Variants in OSBPL6 observed in about 807,000 individuals in gnomAD.
The protein encoded by OSBPL6 is oxysterol binding protein like 6.
In OSBPL6, 49 loss-of-function variants were observed where a neutral mutation model predicts 125.8. The observed-to-expected ratio is 0.39, with a 90% CI of 0.31 to 0.49. The LOEUF is 0.49. Ranked by LOEUF, OSBPL6 falls within the 20% of genes least tolerant of loss-of-function variation. The pLI is 0.88. For synonymous variants in OSBPL6, 394 were observed against 391.8 expected, an observed-to-expected ratio of 1.01 and a Z score of -0.07; for missense variants, 986 against 1,135.4, an observed-to-expected ratio of 0.87 and a Z score of 1.89.
At chr2:178,258,884 G>A (rs334010) in intron 1 of OSBPL6, among the ~76,000 whole-genome samples, 1 of 151,402 alleles carries the variant, frequency 6.6e-6, no homozygotes, top group Non-Finnish European at 1.5e-5. Context: ...TAAACGTCTG[G>A]TTTTTTTTAA....
intron 2 of OSBPL6, among the ~76,000 whole-genome samples, chr2:178,302,502 G>A (rs189514697): frequency 6.6e-6 from 1 of 152,004 alleles, no homozygotes; most frequent in Admixed American, 6.6e-5. Context: ...AAGAGCAGGT[G>A]GTCAAACACT....
intron 1 of OSBPL6, among the ~76,000 whole-genome samples, chr2:178,249,301 G>C (rs1173746789): frequency 1.3e-5 from 2 of 152,110 alleles, no homozygotes; most frequent in African/African-American, 4.8e-5. Flanking sequence ...CTACTTTTTT[G>C]ACATACCTAG....
chr2:178,309,541 A>G (rs1332771182), intron 3 of OSBPL6, among the ~76,000 whole-genome samples: 1 of 152,248 alleles, frequency 6.6e-6, no homozygotes, highest in African/African-American at 2.4e-5. Context: ...ATTAGATAGC[A>G]TAATTGGTAA....
intron 3 of OSBPL6, among the ~76,000 whole-genome samples, chr2:178,314,319 A>G (rs1458565121): frequency 6.6e-6 from 1 of 152,244 alleles, no homozygotes; most frequent in East Asian, 1.9e-4. Context: ...AAGGAGGAAT[A>G]TAACCTGAAT....
At chr2:178,212,363 G>GT (rs1489940673) in intron 1 of OSBPL6, among the ~76,000 whole-genome samples, 2 of 152,186 alleles carry the variant, frequency 1.3e-5, no homozygotes, top group African/African-American at 4.8e-5. Context: ...TCTTCTTAGA[G>GT]TTTTTTAAAA....
intron 2 of OSBPL6, among the ~76,000 whole-genome samples, chr2:178,295,248 A>G (rs1376039224): frequency 6.6e-6 from 1 of 152,178 alleles, no homozygotes; most frequent in African/African-American, 2.4e-5. Context: ...CCTGCCTGCC[A>G]TGGGATGCTG....
At chr2:178,242,138 T>C (rs1275274699) in intron 1 of OSBPL6, among the ~76,000 whole-genome samples, 1 of 152,226 alleles carries the variant, frequency 6.6e-6, no homozygotes, top group Non-Finnish European at 1.5e-5. Context: ...GAAAGTGTGA[T>C]TGAGAACTGT....
chr2:178,235,405 T>C (rs2091013655), intron 1 of OSBPL6, among the ~76,000 whole-genome samples: 3 of 44,526 alleles, frequency 6.7e-5, no homozygotes, highest in African/African-American at 1.3e-3. Flanking sequence ...TTTCTTTTTT[T>C]TTTTTTTTTT....
At chr2:178,305,054 T>C (rs1465207993) in intron 2 of OSBPL6, among the ~76,000 whole-genome samples, 3 of 152,232 alleles carry the variant, frequency 2.0e-5, no homozygotes, top group African/African-American at 7.2e-5. Flanking sequence ...TGTTTCCTGC[T>C]AGCAGCTTTC....
chr2:178,283,936 G>T (rs1000965544), intron 1 of OSBPL6, among the ~76,000 whole-genome samples: 6 of 152,126 alleles, frequency 3.9e-5, no homozygotes, highest in Non-Finnish European at 8.8e-5. Context: ...TGTGGGATCC[G>T]CTCCTGTGAC....
At position 178,361,679 on chromosome 2, in the gene OSBPL6, C is replaced by T. The variant is rs774838132; in HGVS notation, c.1154-3C>T. ...GTTTTTTCTCACTTTTCTCCCCACC[C>T]AGTGCATTCTCTTTTGAAGTCTGCA... On this transcript the variant is annotated splice_region_variant and splice_polypyrimidine_tract_variant and intron_variant, in intron 12 of 24. Transcript: ENST00000190611. 2.1e-5 allele frequency: 34 copies of T among 1,613,582 alleles called. No homozygotes were observed. The South Asian group carries it at 3.6e-4, about 17-fold the overall frequency.
intron 2 of OSBPL6, among the ~76,000 whole-genome samples, chr2:178,296,045 G>A (rs1180113843): frequency 6.6e-6 from 1 of 152,242 alleles, no homozygotes; most frequent in East Asian, 1.9e-4. Flanking sequence ...CTGATACTGT[G>A]TTACTATTCC....
intron 14 of OSBPL6, 129 bp from the exon 15 acceptor site, chr2:178,373,761 A>C (rs751484496): frequency 1.6e-5 from 18 of 1,096,062 alleles, no homozygotes; most frequent in Non-Finnish European, 2.0e-5. Flanking sequence ...CTGAATTGCA[A>C]GTGAAAATTG....
chr2:178,316,846 G>A (rs1687778178), intron 3 of OSBPL6, among the ~76,000 whole-genome samples: 1 of 152,050 alleles, frequency 6.6e-6, no homozygotes, highest in Non-Finnish European at 1.5e-5. Flanking sequence ...TCTGCAGAAG[G>A]TCCTGGAGTC....
At chr2:178,240,295 G>T (rs1044935025) in intron 1 of OSBPL6, among the ~76,000 whole-genome samples, 2 of 152,036 alleles carry the variant, frequency 1.3e-5, no homozygotes, top group Admixed American at 1.3e-4. Context: ...GTCTGGGTGC[G>T]GTGGCTCACA....
At chr2:178,367,250 A>T (rs1367890600) in intron 13 of OSBPL6, among the ~76,000 whole-genome samples, 1 of 152,196 alleles carries the variant, frequency 6.6e-6, no homozygotes, top group Non-Finnish European at 1.5e-5. Flanking sequence ...TGCATTTTTT[A>T]AAAATTTGTC....
chr2:178,232,844 T>C (rs913888808), intron 1 of OSBPL6, among the ~76,000 whole-genome samples: 2 of 152,210 alleles, frequency 1.3e-5, no homozygotes, highest in Admixed American at 1.3e-4. Flanking sequence ...TTCCATTCTG[T>C]GTAGTGGGGG....
intron 12 of OSBPL6, among the ~76,000 whole-genome samples, chr2:178,352,933 C>G (rs1434341299): frequency 2.0e-5 from 3 of 152,258 alleles, no homozygotes; most frequent in Admixed American, 6.5e-5. Context: ...GCAGCCTCCA[C>G]TGTTGATACC....
intron 3 of OSBPL6, among the ~76,000 whole-genome samples, chr2:178,310,649 C>T (rs556684562): frequency 3.3e-5 from 5 of 151,968 alleles, no homozygotes; most frequent in Admixed American, 6.6e-5. Flanking sequence ...GATCTCCTGA[C>T]CTCATGATCC....
Sources: gnomAD v4.1 joint callset for allele counts (sites outside exome capture counted in the v4.1 genomes callset) on GRCh38, gnomAD v4.1.1 for gene constraint, MANE v1.5 for transcripts, NCBI Gene and HGNC (gene_info 2026-07-23, HGNC 2026-07-21) for gene names.